The following SCUBE1 variants were observed in gnomAD, a reference collection of about 807,000 sequenced individuals.
The protein encoded by SCUBE1 is signal peptide, CUB and EGF-like domain-containing protein 1.
A neutral mutation model predicts 124.4 loss-of-function variants in SCUBE1; 59 were observed. The ratio of observed to expected loss-of-function variants is 0.47; its 90% CI spans 0.38 to 0.59. The LOEUF is 0.59. SCUBE1 is among the 20% of genes least tolerant of loss of function. SCUBE1 has a pLI of 0.00. For missense variants in SCUBE1, 1,150 were observed against 1,371.2 expected, an observed-to-expected ratio of 0.84 and a Z score of 2.55; for synonymous variants, 545 against 550.9, an observed-to-expected ratio of 0.99 and a Z score of 0.15.
intron 2 of SCUBE1, among the ~76,000 whole-genome samples, chr22:43,328,346 A>G (rs1270826495): frequency 6.6e-6 from 1 of 152,138 alleles, no homozygotes; most frequent in Non-Finnish European, 1.5e-5. Context: ...CCCTCAGTCA[A>G]GGCCCCTATT....
intron 2 of SCUBE1, among the ~76,000 whole-genome samples, chr22:43,327,061 G>C (rs1227541311): frequency 6.6e-6 from 1 of 152,184 alleles, no homozygotes; most frequent in Non-Finnish European, 1.5e-5. Context: ...CAGAGCCCGA[G>C]CATGTTCAAA....
At chr22:43,332,159 G>A (rs1203511026) in intron 2 of SCUBE1, among the ~76,000 whole-genome samples, 7 of 151,962 alleles carry the variant, frequency 4.6e-5, no homozygotes, top group African/African-American at 1.2e-4. Flanking sequence ...ATGGTGGTGC[G>A]CACCTGTAGT....
intron 4 of SCUBE1, among the ~76,000 whole-genome samples, chr22:43,265,344 C>T (rs1379674650): frequency 2.6e-5 from 4 of 152,160 alleles, no homozygotes; most frequent in African/African-American, 9.7e-5. Flanking sequence ...TGCAGTAACC[C>T]ACAGTCAATA....
chr22:43,280,805 A>C, intron 4 of SCUBE1, among the ~76,000 whole-genome samples: 1 of 107,176 alleles, frequency 9.3e-6, no homozygotes. Context: ...CTACCCTGTC[A>C]CCTCCCTCAG....
chr22:43,243,770 T>C (rs1923098761), intron 6 of SCUBE1, among the ~76,000 whole-genome samples: 1 of 152,178 alleles, frequency 6.6e-6, no homozygotes, highest in Non-Finnish European at 1.5e-5. Flanking sequence ...GAGATGATCA[T>C]ATTTACCACA....
chr22:43,314,470 G>T (rs1014732799), intron 3 of SCUBE1, among the ~76,000 whole-genome samples: 3 of 151,970 alleles, frequency 2.0e-5, no homozygotes, highest in African/African-American at 7.3e-5. Flanking sequence ...CTCTCCTGTG[G>T]CTGCAGCAGC....
At chr22:43,291,471 C>CTACAGTGA (rs1925354865) in intron 3 of SCUBE1, among the ~76,000 whole-genome samples, 1 of 150,214 alleles carries the variant, frequency 6.7e-6, no homozygotes. Context: ...TCGCGCTGTG[C>CTACAGTGA]TACAGTGGTA....
chr22:43,314,162 C>T (rs1926262752), intron 3 of SCUBE1, among the ~76,000 whole-genome samples: 1 of 152,220 alleles, frequency 6.6e-6, no homozygotes, highest in South Asian at 2.1e-4. Context: ...ACTCAGTGGG[C>T]CACTCACAGC....
At position 43,262,072 on chromosome 22, in the gene SCUBE1, T is replaced by A. The variant is rs557371732; in HGVS notation, c.610+648A>T. On this transcript the variant is annotated intron_variant, in intron 5 of 21. Transcript: ENST00000360835. Reference sequence around the variant, plus strand: ...GACCACCAAGCAGATCCTGAAATGGTGTCTTTGGCCAGAGGCCTCATTCAG... The same window carrying A: ...GACCACCAAGCAGATCCTGAAATGGAGTCTTTGGCCAGAGGCCTCATTCAG... 9.0e-4 allele frequency among the ~76,000 whole-genome samples: 137 copies of A among 152,332 alleles called. 1 individual carries two copies. Among genetic ancestry groups the A allele is most frequent in the African/African-American group, 3.0e-3 (123 of 41,570 alleles).
At chr22:43,265,896 C>G (rs1267874635) in intron 4 of SCUBE1, among the ~76,000 whole-genome samples, 2 of 152,138 alleles carry the variant, frequency 1.3e-5, no homozygotes, top group African/African-American at 4.8e-5. Context: ...AGGTCAGGAG[C>G]TCGAGACTAG....
At position 43,212,529 on chromosome 22, in the gene SCUBE1, C is replaced by A; in HGVS notation, c.2117G>T (p.Gly706Val). Residue 706 changes from glycine to valine, a missense_variant, in exon 17 of 22, where the codon GGC becomes GTC. Physicochemically the swap from Gly to Val is moderately radical, Grantham distance 109. Coordinates refer to ENST00000360835, the MANE Select transcript of SCUBE1 (RefSeq NM_173050.5). ...GCGCCCGGGCTCAGGCTGGTACGTG[C>A]CCACGGGGCAGGCCTGGCAGGGCTT... ...GFKPCQACPV[G>V]TYQPEPGRTG... The A allele has an allele frequency of 6.4e-7, 1 of 1,562,168 alleles. No homozygotes were observed.
chr22:43,262,088 C>T (rs1923892181), intron 5 of SCUBE1, among the ~76,000 whole-genome samples: 1 of 152,242 alleles, frequency 6.6e-6, no homozygotes, highest in African/African-American at 2.4e-5. Context: ...TGGCCAGAGG[C>T]CTCATTCAGC....
In SCUBE1 at chr22:43,197,371, A is replaced by G. The variant is rs908441912; in HGVS notation, c.*6626T>C. 19 of 152,352 alleles carry G rather than the reference A, an allele frequency of 1.2e-4. 1 individual carries two copies. The highest frequency in any genetic ancestry group is 4.1e-4 in the African/African-American group (17 of 41,578). The allele number at this position is 152,352 out of a possible 1,614,324, so 9.4% of individuals were successfully genotyped here. ...GACATGATGGATAAAACAAAACTGA[A>G]TATTTGTGGCAACTAAAAGGAAGAT... On this transcript the variant is annotated 3_prime_UTR_variant, in exon 22 of 22. Transcript: ENST00000360835.
intron 4 of SCUBE1, among the ~76,000 whole-genome samples, chr22:43,280,467 CT>C (rs1355596976): frequency 3.9e-4 from 34 of 87,348 alleles, no homozygotes; most frequent in South Asian, 4.6e-4. Flanking sequence ...CTCACCCATC[CT>C]CCCGTCCCTT....
chr22:43,329,053 G>A (rs1601895658), intron 2 of SCUBE1, among the ~76,000 whole-genome samples: 1 of 152,230 alleles, frequency 6.6e-6, no homozygotes, highest in East Asian at 1.9e-4. Context: ...GGAATCTGGG[G>A]CCTGCGGGCC....
At chr22:43,209,940 T>A (rs1029154572) in intron 19 of SCUBE1, 103 bp downstream of exon 19, 1 of 1,298,276 alleles carries the variant, frequency 7.7e-7, no homozygotes, top group Non-Finnish European at 1.1e-6. Flanking sequence ...AGGGCCCTCC[T>A]CTCTGCCCTG....
intron 4 of SCUBE1, among the ~76,000 whole-genome samples, chr22:43,281,609 T>C (rs549144911): frequency 7.0e-6 from 1 of 143,416 alleles, no homozygotes; most frequent in Non-Finnish European, 1.5e-5. Flanking sequence ...TCCTGTCACC[T>C]CCTCCTCAGC....
intron 14 of SCUBE1, among the ~76,000 whole-genome samples, chr22:43,219,408 T>G (rs1921983452): frequency 6.6e-6 from 1 of 152,132 alleles, no homozygotes; most frequent in African/African-American, 2.4e-5. Context: ...CGAGAGCCAA[T>G]AAGCTCTTTT....
intron 14 of SCUBE1, among the ~76,000 whole-genome samples, chr22:43,218,773 G>A (rs1921952345): frequency 6.6e-6 from 1 of 152,194 alleles, no homozygotes; most frequent in Admixed American, 6.5e-5. Context: ...AAAGACTCTT[G>A]GGGACTGCCA....
Sources: allele counts gnomAD v4.1 joint callset (sites outside exome capture counted in the v4.1 genomes callset), GRCh38; gene constraint gnomAD v4.1.1; transcripts MANE v1.5; gene names NCBI Gene and HGNC (gene_info 2026-07-23, HGNC 2026-07-21).